The following CDC42BPA variants were observed in gnomAD, a reference collection of about 807,000 sequenced individuals.
CDC42BPA encodes the protein CDC42 binding protein kinase alpha, also known as serine/threonine-protein kinase MRCK alpha.
Under a neutral mutation model 223.5 loss-of-function variants are expected in CDC42BPA, and 80 were observed. The observed-to-expected ratio is 0.36, with a 90% CI of 0.30 to 0.43. The LOEUF is 0.43. CDC42BPA is among the 20% of genes least tolerant of loss of function. CDC42BPA has a pLI of 1.00. For synonymous variants in CDC42BPA, 694 were observed against 718.6 expected (o/e 0.97, Z 0.55); for missense variants, 1,743 against 2,099.9 (o/e 0.83, Z 3.32).
chr1:227,290,643 T>C (rs1232094892), intron 1 of CDC42BPA, among the ~76,000 whole-genome samples: 3 of 152,214 alleles, frequency 2.0e-5, no homozygotes, highest in Admixed American at 6.5e-5. Context: ...TTTATAGGCA[T>C]TCAGAGGAGG....
intron 5 of CDC42BPA, among the ~76,000 whole-genome samples, chr1:227,163,963 C>T (rs1434601651): frequency 2.6e-5 from 4 of 152,092 alleles, no homozygotes; most frequent in Admixed American, 2.6e-4. Flanking sequence ...GAATGATATC[C>T]TTTCACCACT....
At chr1:227,118,268 G>A (rs1056498726) in intron 12 of CDC42BPA, among the ~76,000 whole-genome samples, 35 of 152,200 alleles carry the variant, frequency 2.3e-4, no homozygotes, top group Admixed American at 4.6e-4. Flanking sequence ...TCTCTAAGAC[G>A]ACATACAAAT....
At chr1:227,203,627 A>C (rs531475724) in intron 3 of CDC42BPA, among the ~76,000 whole-genome samples, 1 of 152,310 alleles carries the variant, frequency 6.6e-6, no homozygotes, top group East Asian at 1.9e-4. Flanking sequence ...GAATGTATTA[A>C]TAACAAACAT....
In CDC42BPA at chr1:227,147,370, T is replaced by C. The variant is rs1035947552; in HGVS notation, c.883A>G (p.Met295Val). ...TAAAACATACTAACTTTGTGGTTCA[T>C]GATTTTTCCGTATGTCTCCACCAGC... Reference protein sequence around the residue: ...ESLVETYGKIMNHKERFQFPA... With the variant: ...ESLVETYGKIVNHKERFQFPA... The change falls in exon 7 of 37, where the codon ATG becomes GTG. Residue 295 changes from methionine (M) to valine (V), a missense_variant. Met to Val is a conservative substitution (Grantham distance 21). Around this residue, in one of 6 missense-constraint regions of CDC42BPA, gnomAD observed 321 missense variants for 488.7 expected, o/e 0.66. Transcript: ENST00000366766. The C allele has an allele frequency of 6.2e-7, 1 of 1,611,050 alleles. No individual in the cohort carries two copies. The highest frequency in any genetic ancestry group is 8.5e-7 in the Non-Finnish European group (1 of 1,178,604).
chr1:227,200,390 C>G (rs1671514744), intron 3 of CDC42BPA, among the ~76,000 whole-genome samples: 1 of 148,664 alleles, frequency 6.7e-6, no homozygotes, highest in African/African-American at 2.5e-5. Context: ...AAGATCGCAC[C>G]ACTGCACTCC....
At chr1:227,047,373 T>C (rs527517203) in intron 23 of CDC42BPA, among the ~76,000 whole-genome samples, 1 of 152,304 alleles carries the variant, frequency 6.6e-6, no homozygotes, top group East Asian at 1.9e-4. Flanking sequence ...ATATTTTTTG[T>C]ATATTTTTTC....
In CDC42BPA at chr1:227,069,328, C is replaced by T. The variant is rs16846930; in HGVS notation, c.2904+449G>A. 2.5e-3 allele frequency: 387 copies of T among 152,832 alleles called. 9 individuals are homozygous for T. The East Asian group carries it at 0.047, about 18-fold the overall frequency. 9.5% of individuals were successfully genotyped at this position (152,832 alleles called of 1,614,324 possible). The stretch of plus-strand genomic sequence containing the variant: ...GATATGCCTAACAGAGTCTATGTAA[C>T]ACCTTTTAACAAAAGCACTTCTTAC... On this transcript the variant is annotated intron_variant, in intron 21 of 36. Transcript: ENST00000366766.
chr1:227,143,455 C>T (rs981018355), intron 8 of CDC42BPA, among the ~76,000 whole-genome samples: 9 of 152,156 alleles, frequency 5.9e-5, no homozygotes, highest in African/African-American at 2.2e-4. Flanking sequence ...CTCATTTAAG[C>T]TCTCATATTA....
intron 2 of CDC42BPA, among the ~76,000 whole-genome samples, chr1:227,253,032 C>T (rs1034126601): frequency 2.0e-5 from 3 of 152,118 alleles, no homozygotes; most frequent in African/African-American, 4.8e-5. Flanking sequence ...CACTACAAAA[C>T]GGTATTGAGA....
chr1:227,079,044 C>T (rs1021816881), intron 17 of CDC42BPA, among the ~76,000 whole-genome samples: 36 of 152,126 alleles, frequency 2.4e-4, no homozygotes, highest in African/African-American at 8.0e-4. Flanking sequence ...ATGAAAATAA[C>T]TCAGTCTTCT....
chr1:227,102,849 A>C (rs1203772874), intron 14 of CDC42BPA, among the ~76,000 whole-genome samples: 1 of 152,128 alleles, frequency 6.6e-6, no homozygotes, highest in African/African-American at 2.4e-5. Flanking sequence ...TCCAAATGAT[A>C]ATCTCAGTAT....
rs1669673315 is a variant in CDC42BPA at position 227,033,370 on chromosome 1, G to GA, written c.3521dup (p.His1175ProfsTer12). On this transcript the variant is annotated frameshift_variant, in exon 27 of 37. Transcript: ENST00000366766. LOFTEE classifies it high-confidence loss of function. ...AGGGTATATCTTTCCGACTTGCATG[G>GA]ATAACATCAGAAGCCAAGACTGAAC... 1 of 1,613,266 alleles carries GA rather than the reference G, an allele frequency of 6.2e-7. No homozygotes were observed. The highest frequency in any genetic ancestry group is 8.5e-7 in the Non-Finnish European group (1 of 1,179,356).
At chr1:226,998,216 T>C (rs1662035852) in intron 35 of CDC42BPA, among the ~76,000 whole-genome samples, 1 of 152,184 alleles carries the variant, frequency 6.6e-6, no homozygotes, top group African/African-American at 2.4e-5. Flanking sequence ...ATGGCCATAA[T>C]GCCCAAAGTA....
At chr1:227,039,812 T>G (rs554981734) in intron 24 of CDC42BPA, among the ~76,000 whole-genome samples, 1 of 152,330 alleles carries the variant, frequency 6.6e-6, no homozygotes, top group African/African-American at 2.4e-5. Context: ...CTGTCTACTT[T>G]TTAATAACAA....
Position 227,193,010 on chromosome 1 carries a change from CAA to C in CDC42BPA, c.599+774_599+775del, listed in dbSNP as rs367664657. On this transcript the variant is annotated intron_variant, in intron 5 of 36. Transcript: ENST00000366766. ...GATGGAATTCATATGTACATTTAAA[CAA>C]GAGTGGTTTTTTAAGAAGTGATTTC... 3.7e-4 allele frequency among the ~76,000 whole-genome samples: 55 copies of C among 148,228 alleles called. No homozygotes were observed. In the South Asian group the frequency reaches 4.5e-3, roughly 12 times the overall value.
intron 31 of CDC42BPA, among the ~76,000 whole-genome samples, 184 bp downstream of exon 31, chr1:227,025,871 G>T (rs1176379971): frequency 6.6e-6 from 1 of 152,024 alleles, no homozygotes; most frequent in Non-Finnish European, 1.5e-5. Flanking sequence ...TATGGTTTTA[G>T]TGAGGCATAA....
chr1:227,106,680 T>C (rs749227951), intron 14 of CDC42BPA, among the ~76,000 whole-genome samples: 2 of 152,198 alleles, frequency 1.3e-5, no homozygotes, highest in Non-Finnish European at 2.9e-5. Context: ...CCAAGGTCTC[T>C]TGAGTTTTAT....
At chr1:227,312,770 G>A (rs1169770332) in intron 1 of CDC42BPA, among the ~76,000 whole-genome samples, 1 of 147,884 alleles carries the variant, frequency 6.8e-6, no homozygotes, top group East Asian at 2.0e-4. Context: ...GAGGTGACTG[G>A]ATCATGGGGG....
chr1:227,316,890 T>C (rs1694496461), intron 1 of CDC42BPA, 115 bp downstream of exon 1: 4 of 769,232 alleles, frequency 5.2e-6, no homozygotes, highest in African/African-American at 1.8e-5. Context: ...TAGTGTCTGT[T>C]TTTTTATTGT....
Sources: allele counts gnomAD v4.1 joint callset (sites outside exome capture counted in the v4.1 genomes callset), GRCh38; gene constraint gnomAD v4.1.1; regional missense constraint gnomAD v4.1.1; transcripts MANE v1.5; gene names NCBI Gene and HGNC (gene_info 2026-07-23, HGNC 2026-07-21).